Variants in SMAP1 observed in about 807,000 individuals in gnomAD.
The protein encoded by SMAP1 is stromal membrane-associated protein 1.
In SMAP1, 24 loss-of-function variants were observed where a neutral mutation model predicts 58.5. The ratio of observed to expected loss-of-function variants is 0.41; its 90% CI spans 0.30 to 0.58. SMAP1 has a LOEUF of 0.58. Ranked by LOEUF, SMAP1 falls within the 20% of genes least tolerant of loss-of-function variation. The pLI is 0.29. For missense variants in SMAP1, 563 were observed against 566.3 expected (o/e 0.99, Z 0.06); for synonymous variants, 216 against 196.6 (o/e 1.10, Z -0.82).
At chr6:70,779,433 T>C (rs1767672348) in intron 4 of SMAP1, among the ~76,000 whole-genome samples, 1 of 152,178 alleles carries the variant, frequency 6.6e-6, no homozygotes. Flanking sequence ...ATGAATTCTC[T>C]CTGAGATAGT....
At chr6:70,854,570 G>A (rs988177986) in intron 8 of SMAP1, among the ~76,000 whole-genome samples, 5 of 151,872 alleles carry the variant, frequency 3.3e-5, no homozygotes, top group East Asian at 1.9e-4. Flanking sequence ...TGCAGTGAGC[G>A]GAGATCACGC....
At chr6:70,823,438 A>AAT (rs1446259905) in intron 6 of SMAP1, among the ~76,000 whole-genome samples, 3 of 152,174 alleles carry the variant, frequency 2.0e-5, no homozygotes, top group Non-Finnish European at 4.4e-5. Context: ...AAGCTCTAAT[A>AAT]AAACTCCTAG....
At chr6:70,783,837 G>C (rs1381201064) in intron 4 of SMAP1, among the ~76,000 whole-genome samples, 1 of 152,198 alleles carries the variant, frequency 6.6e-6, no homozygotes, top group South Asian at 2.1e-4. Flanking sequence ...TGGTGTACCT[G>C]AAAGTGACGG....
chr6:70,761,848 C>T, intron 3 of SMAP1, among the ~76,000 whole-genome samples: 1 of 152,162 alleles, frequency 6.6e-6, no homozygotes, highest in South Asian at 2.1e-4. Flanking sequence ...AAACTAAATT[C>T]ATACGTTAAA....
chr6:70,847,256 CCT>C (rs1438874449), intron 7 of SMAP1, among the ~76,000 whole-genome samples: 7 of 152,094 alleles, frequency 4.6e-5, no homozygotes. Context: ...TGAAATGTTA[CCT>C]CTTTCTAACA....
intron 6 of SMAP1, among the ~76,000 whole-genome samples, chr6:70,822,260 T>G (rs1043789799): frequency 1.3e-5 from 2 of 152,184 alleles, no homozygotes; most frequent in African/African-American, 4.8e-5. Flanking sequence ...AGCACATACT[T>G]TGTGCTTAAT....
In SMAP1 at chr6:70,857,948, C is replaced by T; in HGVS notation, c.988C>T (p.Pro330Ser). 3.1e-6 allele frequency: 5 copies of T among 1,614,030 alleles called. No individual in the cohort carries two copies. Among genetic ancestry groups the T allele is most frequent in the Non-Finnish European group, 4.2e-6 (5 of 1,179,976 alleles). The change falls in exon 10 of 11, where the codon CCA becomes TCA. Residue 330 changes from proline to serine, a missense_variant. Around this residue, in one of 3 missense-constraint regions of SMAP1, gnomAD observed 494 missense variants for 473.8 expected, o/e 1.04. Transcript: ENST00000370455. ...TGTATTTATGGGACCCACAAATATA[C>T]CATTTACCTCACAAGCACCAGCTGC... The part of the protein sequence containing the change: ...PGVFMGPTNI[P>S]FTSQAPAAFQ...
chr6:70,751,401 A>G (rs1042600391), intron 2 of SMAP1, among the ~76,000 whole-genome samples: 4 of 152,202 alleles, frequency 2.6e-5, no homozygotes, highest in Admixed American at 1.3e-4. Flanking sequence ...AAGAATATCA[A>G]TACATTTTCT....
At chr6:70,689,794 A>G (rs1562094569) in intron 1 of SMAP1, among the ~76,000 whole-genome samples, 3 of 151,944 alleles carry the variant, frequency 2.0e-5, no homozygotes, top group African/African-American at 7.2e-5. Context: ...TTTTTGTTAG[A>G]TTTTTCCATA....
At chr6:70,839,029 C>T (rs1490001546) in intron 7 of SMAP1, among the ~76,000 whole-genome samples, 3 of 151,804 alleles carry the variant, frequency 2.0e-5, no homozygotes, top group East Asian at 1.9e-4. Context: ...TTGAATAGCC[C>T]GGAGTGGATG....
intron 4 of SMAP1, among the ~76,000 whole-genome samples, chr6:70,782,858 C>T (rs556552763): frequency 2.2e-4 from 34 of 152,272 alleles, no homozygotes; most frequent in African/African-American, 7.7e-4. Context: ...ATAGGAACAG[C>T]TCCGGTCTAC....
At chr6:70,764,940 C>T (rs1025083122) in intron 3 of SMAP1, among the ~76,000 whole-genome samples, 2 of 152,152 alleles carry the variant, frequency 1.3e-5, no homozygotes, top group African/African-American at 4.8e-5. Context: ...TTTGGGACTA[C>T]AGGCACACCA....
chr6:70,846,687 T>C (rs962141537), intron 7 of SMAP1, among the ~76,000 whole-genome samples: 2 of 152,070 alleles, frequency 1.3e-5, no homozygotes, highest in African/African-American at 4.8e-5. Context: ...TTGTGCCAAG[T>C]ACTATGCCTG....
chr6:70,838,399 G>A (rs1450115648), intron 7 of SMAP1, among the ~76,000 whole-genome samples: 1 of 152,066 alleles, frequency 6.6e-6, no homozygotes, highest in African/African-American at 2.4e-5. Flanking sequence ...CTGCCTTCTG[G>A]GGCTTTCATT....
intron 7 of SMAP1, chr6:70,837,778 TAG>T: frequency 8.2e-7 from 1 of 1,222,762 alleles, no homozygotes. Context: ...TCTTTTTTTT[TAG>T]TTTGGAGAAA....
chr6:70,712,747 TA>T (rs1768102674), intron 1 of SMAP1, among the ~76,000 whole-genome samples: 1 of 151,834 alleles, frequency 6.6e-6, no homozygotes, highest in Non-Finnish European at 1.5e-5. Context: ...AGTAGTTCCT[TA>T]TTTTTTTTTA....
At chr6:70,774,911 G>A (rs982495285) in intron 4 of SMAP1, among the ~76,000 whole-genome samples, 4 of 151,938 alleles carry the variant, frequency 2.6e-5, no homozygotes, top group African/African-American at 9.7e-5. Flanking sequence ...CACTTGGGAG[G>A]CTGAGGCAGA....
intron 4 of SMAP1, among the ~76,000 whole-genome samples, chr6:70,785,930 G>A (rs968839413): frequency 2.0e-5 from 3 of 152,108 alleles, no homozygotes; most frequent in African/African-American, 7.2e-5. Flanking sequence ...GAAAAAGAGG[G>A]AATCCTCCCT....
chr6:70,769,514 C>A (rs1048417165), intron 3 of SMAP1, among the ~76,000 whole-genome samples: 3 of 152,188 alleles, frequency 2.0e-5, no homozygotes, highest in African/African-American at 7.2e-5. Flanking sequence ...TAATGGCCTT[C>A]TTTGTCTCTT....
Sources: allele counts gnomAD v4.1 joint callset (sites outside exome capture counted in the v4.1 genomes callset), GRCh38; gene constraint gnomAD v4.1.1; regional missense constraint gnomAD v4.1.1; transcripts MANE v1.5; gene names NCBI Gene and HGNC (gene_info 2026-07-23, HGNC 2026-07-21).